NAALAD2: variants seen among roughly 807,000 people sequenced by gnomAD.
The protein encoded by NAALAD2 is N-acetylated alpha-linked acidic dipeptidase 2, also known as N-acetylated-alpha-linked acidic dipeptidase 2.
Under a neutral mutation model 95.6 loss-of-function variants are expected in NAALAD2, and 89 were observed. That is an observed-to-expected ratio of 0.93 (90% CI 0.78 to 1.11). The LOEUF is 1.11. Among genes scored for constraint, NAALAD2 ranks in the 50% least tolerant of loss-of-function variants. The pLI is 0.00. For missense variants in NAALAD2, 894 were observed against 872.4 expected (o/e 1.02, Z -0.31); for synonymous variants, 264 against 294.4 (o/e 0.90, Z 1.06).
intron 11 of NAALAD2, among the ~76,000 whole-genome samples, chr11:90,165,494 A>G (rs1952414827): frequency 6.6e-6 from 1 of 152,188 alleles, no homozygotes; most frequent in Non-Finnish European, 1.5e-5. Context: ...TAGTTTTGAA[A>G]ATGCTTTCCT....
chr11:90,177,586 G>GTTTTTTTTTCTT (rs1952833548), intron 15 of NAALAD2, among the ~76,000 whole-genome samples: 1 of 28,456 alleles, frequency 3.5e-5, no homozygotes. Flanking sequence ...TCTTTTTCTT[G>GTTTTTTTTTCTT]TTTTTTTTTT....
At chr11:90,178,150 T>C in intron 16 of NAALAD2, 33 bp downstream of exon 16, 1 of 1,577,006 alleles carries the variant, frequency 6.3e-7, no homozygotes, top group Non-Finnish European at 8.6e-7. Context: ...TTTTACAGTC[T>C]TTAAGTTAGA....
chr11:90,170,253 C>T (rs1952596255), intron 13 of NAALAD2, 117 bp downstream of exon 13: 1 of 689,054 alleles, frequency 1.5e-6, no homozygotes, highest in Admixed American at 2.4e-5. Flanking sequence ...ATAATAGAAT[C>T]ATATAAACAA....
chr11:90,171,910 G>A (rs1369779116), intron 13 of NAALAD2, among the ~76,000 whole-genome samples: 1 of 152,100 alleles, frequency 6.6e-6, no homozygotes, highest in African/African-American at 2.4e-5. Flanking sequence ...GAGTGTGGTG[G>A]CACATGCCTA....
intron 15 of NAALAD2, among the ~76,000 whole-genome samples, chr11:90,177,652 C>T (rs1326225866): frequency 2.6e-5 from 2 of 76,868 alleles, no homozygotes; most frequent in African/African-American, 5.9e-5. Context: ...AGGGTTTCTC[C>T]ATGTTGCCCA....
chr11:90,152,219 A>T, intron 5 of NAALAD2, 79 bp from the exon 6 acceptor site: 1 of 1,299,728 alleles, frequency 7.7e-7, no homozygotes, highest in Middle Eastern at 2.7e-4. Flanking sequence ...TCCTTCCATT[A>T]TTAAATTAAT....
chr11:90,167,801 T>C (rs559626235), intron 11 of NAALAD2, among the ~76,000 whole-genome samples: 1 of 152,238 alleles, frequency 6.6e-6, no homozygotes, highest in South Asian at 2.1e-4. Context: ...AACTTTTGTG[T>C]GTAGCTCAGG....
chr11:90,187,027 C>T (rs1857166512), intron 18 of NAALAD2, among the ~76,000 whole-genome samples: 1 of 151,934 alleles, frequency 6.6e-6, no homozygotes, highest in African/African-American at 2.4e-5. Flanking sequence ...TGAACAGACA[C>T]TTCTCAAAAG....
At chr11:90,154,055 G>A (rs200318874) in intron 6 of NAALAD2, among the ~76,000 whole-genome samples, 3 of 131,522 alleles carry the variant, frequency 2.3e-5, no homozygotes, top group African/African-American at 8.4e-5. Flanking sequence ...CTCTCTCTCT[G>A]TCTCTCTCTC....
intron 8 of NAALAD2, among the ~76,000 whole-genome samples, chr11:90,159,884 G>T (rs1565527957): frequency 8.5e-6 from 1 of 117,624 alleles, no homozygotes; most frequent in Non-Finnish European, 1.9e-5. Context: ...AACCCAGGAA[G>T]CGGAGGTTGC....
chr11:90,146,381 T>G (rs1444969713), intron 2 of NAALAD2, among the ~76,000 whole-genome samples: 1 of 118,854 alleles, frequency 8.4e-6, no homozygotes, highest in African/African-American at 3.2e-5. Flanking sequence ...TTTTTTGTGA[T>G]GTAGTCTCAC....
chr11:90,183,941 A>G (rs532093491), intron 18 of NAALAD2, among the ~76,000 whole-genome samples: 1 of 152,132 alleles, frequency 6.6e-6, no homozygotes, highest in South Asian at 2.1e-4. Context: ...TCTCTACATC[A>G]TGTTCTCTTT....
chr11:90,150,357 T>G (rs1380490232), intron 4 of NAALAD2, 125 bp from the exon 5 acceptor site: 1 of 532,694 alleles, frequency 1.9e-6, no homozygotes, highest in African/African-American at 1.9e-5. Flanking sequence ...TGTGGGTCTG[T>G]TTATTACTCC....
At chr11:90,144,251 A>G (rs988113410) in intron 2 of NAALAD2, among the ~76,000 whole-genome samples, 1 of 152,186 alleles carries the variant, frequency 6.6e-6, no homozygotes, top group Non-Finnish European at 1.5e-5. Context: ...CATACCTAGA[A>G]GGTGTAGTGG....
chr11:90,155,217 T>C (rs927385023), intron 6 of NAALAD2, among the ~76,000 whole-genome samples: 59 of 127,980 alleles, frequency 4.6e-4, no homozygotes, highest in Non-Finnish European at 1.4e-4. Flanking sequence ...ATATACATAA[T>C]ATGTATATGT....
At chr11:90,159,668 G>A (rs1326864895) in intron 8 of NAALAD2, among the ~76,000 whole-genome samples, 4 of 151,992 alleles carry the variant, frequency 2.6e-5, no homozygotes, top group Non-Finnish European at 5.9e-5. Context: ...ACTAGGTGAA[G>A]GTGCTGGGTG....
rs1053305419 is a variant in NAALAD2, at chr11:90,181,770, T to A, written c.1940+69T>A. The A allele has an allele frequency of 9.2e-5, 93 of 1,010,142 alleles. 5 individuals carry two copies. In the South Asian group the frequency reaches 1.3e-3, roughly 14 times the overall value. 62.6% of individuals were successfully genotyped at this position (1,010,142 alleles called of 1,614,324 possible). ...AATCTGGTTACTAGAATGAACTGTT[T>A]CACTCATATTAGCATTAACCTCTAA... On this transcript the variant is annotated intron_variant, in intron 17 of 18. Coordinates refer to ENST00000534061, the MANE Select transcript of NAALAD2 (RefSeq NM_005467.4).
chr11:90,177,761 T>C lies in NAALAD2; in HGVS notation c.1594-92T>C, dbSNP rs1224407986. On this transcript the variant is annotated intron_variant, in intron 15 of 18. Coordinates refer to ENST00000534061, the MANE Select transcript of NAALAD2 (RefSeq NM_005467.4). ...AGCCACCATGACTGGCTGGTTGTTA[T>C]TTTTTCTATAGTTATTTTTATGCTT... The C allele has an allele frequency of 3.8e-6, 5 of 1,313,896 alleles. No homozygotes were observed. In the East Asian group the frequency reaches 1.3e-4, roughly 33 times the overall value. 81.4% of individuals were successfully genotyped at this position (1,313,896 alleles called of 1,614,324 possible). A position where few individuals can be genotyped will look rare whatever the true frequency, so the allele number is the denominator to read the frequency against.
rs1217656682 is a variant in NAALAD2, at chr11:90,192,295, AAATG to A, written c.*551_*554del. On this transcript the variant is annotated 3_prime_UTR_variant, in exon 19 of 19. Coordinates refer to ENST00000534061, the MANE Select transcript of NAALAD2 (RefSeq NM_005467.4). ...TAGACTACTTACTACTCAGCAATAA[AAATG>A]AAGTAACTTTCAATAAATGCAATAT... The A allele has an allele frequency of 6.6e-6, 1 of 152,080 alleles. No individual in the cohort carries two copies. Among genetic ancestry groups the A allele is most frequent in the African/African-American group, 2.4e-5 (1 of 41,456 alleles). 9.4% of individuals were successfully genotyped at this position (152,080 alleles called of 1,614,324 possible). A position where few individuals can be genotyped will look rare whatever the true frequency, so the allele number is the denominator to read the frequency against.
Sources: gnomAD v4.1 joint callset for allele counts (sites outside exome capture counted in the v4.1 genomes callset) on GRCh38, gnomAD v4.1.1 for gene constraint, MANE v1.5 for transcripts, NCBI Gene and HGNC (gene_info 2026-07-23, HGNC 2026-07-21) for gene names.